CBFA2T3: variants seen among roughly 807,000 people sequenced by gnomAD.
The protein encoded by CBFA2T3 is CBFA2/RUNX1 partner transcriptional co-repressor 3, also known as transcriptional corepressor CBFA2T3.
Under a neutral mutation model 58.6 loss-of-function variants are expected in CBFA2T3, and 31 were observed. The ratio of observed to expected loss-of-function variants is 0.53; its 90% CI spans 0.40 to 0.71. The LOEUF is 0.71. CBFA2T3 is among the 30% of genes least tolerant of loss of function. The pLI, the probability that CBFA2T3 is intolerant of heterozygous loss-of-function variation, is 0.00. For missense variants in CBFA2T3, 1,076 were observed against 963.1 expected, an observed-to-expected ratio of 1.12 and a Z score of -1.55; for synonymous variants, 531 against 421.9, an observed-to-expected ratio of 1.26 and a Z score of -3.17.
At chr16:88,901,943 T>C (rs1361148014) in intron 1 of CBFA2T3, among the ~76,000 whole-genome samples, 1 of 152,168 alleles carries the variant, frequency 6.6e-6, no homozygotes, top group African/African-American at 2.4e-5. Flanking sequence ...ACTCCAGGCT[T>C]GAGGCTTCTA....
chr16:88,879,203 G>A, intron 11 of CBFA2T3, 67 bp downstream of exon 11: 1 of 1,366,022 alleles, frequency 7.3e-7, no homozygotes, highest in Admixed American at 1.9e-5. Context: ...AATCCTCATG[G>A]GGGTGGCGTG....
At chr16:88,881,223 C>T in intron 9 of CBFA2T3, 68 bp downstream of exon 9, 1 of 1,384,000 alleles carries the variant, frequency 7.2e-7, no homozygotes, top group Middle Eastern at 1.8e-4. Context: ...GCCTGCCTGA[C>T]AGCTCCCAGG....
chr16:88,899,308 G>T (rs1970010769), intron 2 of CBFA2T3, among the ~76,000 whole-genome samples: 1 of 151,926 alleles, frequency 6.6e-6, no homozygotes, highest in Admixed American at 6.5e-5. Flanking sequence ...CCAACCACCT[G>T]GCTTTCACGG....
chr16:88,880,264 T>C (rs1421423735), intron 10 of CBFA2T3, among the ~76,000 whole-genome samples: 3 of 152,036 alleles, frequency 2.0e-5, no homozygotes, highest in Non-Finnish European at 4.4e-5. Flanking sequence ...CTAACCCCTC[T>C]TGCTGCCCAC....
At chr16:88,950,566 G>T (rs1426152301) in intron 1 of CBFA2T3, 1 of 430,314 alleles carries the variant, frequency 2.3e-6, no homozygotes, top group South Asian at 1.6e-5. Context: ...GCCACAGAGG[G>T]TCAGGAGTGT....
intron 1 of CBFA2T3, among the ~76,000 whole-genome samples, chr16:88,954,394 A>C (rs1972157872): frequency 7.5e-6 from 1 of 133,534 alleles, no homozygotes; most frequent in Non-Finnish European, 1.6e-5. Context: ...AAGACTCCTG[A>C]CCCTACCCAA....
intron 1 of CBFA2T3, among the ~76,000 whole-genome samples, chr16:88,959,258 G>A (rs1037146644): frequency 6.6e-6 from 1 of 152,240 alleles, no homozygotes; most frequent in Non-Finnish European, 1.5e-5. Context: ...CACATGAGCA[G>A]CTGCTGTGGC....
chr16:88,954,738 C>T (rs1352112199), intron 1 of CBFA2T3, among the ~76,000 whole-genome samples: 2 of 43,384 alleles, frequency 4.6e-5, no homozygotes, highest in African/African-American at 1.2e-4. Flanking sequence ...GGCTCCTGAC[C>T]CCACCCAAGG....
intron 1 of CBFA2T3, among the ~76,000 whole-genome samples, chr16:88,902,205 G>C (rs913428126): frequency 2.0e-5 from 3 of 152,146 alleles, no homozygotes; most frequent in African/African-American, 7.2e-5. Flanking sequence ...GCTGGGGGGC[G>C]GGGGACGGTG....
At chr16:88,894,794 G>C (rs1319052244) in intron 3 of CBFA2T3, among the ~76,000 whole-genome samples, 1 of 152,272 alleles carries the variant, frequency 6.6e-6, no homozygotes, top group Non-Finnish European at 1.5e-5. Context: ...CCCCAGCCGT[G>C]TGTTCGCACC....
At chr16:88,948,332 A>C (rs1971959514) in intron 1 of CBFA2T3, among the ~76,000 whole-genome samples, 1 of 152,372 alleles carries the variant, frequency 6.6e-6, no homozygotes, top group South Asian at 2.1e-4. Flanking sequence ...GGGGCAAGGC[A>C]CCAGGCTGGC....
At chr16:88,892,646 C>G (rs948595554) in intron 3 of CBFA2T3, among the ~76,000 whole-genome samples, 161 bp from the exon 4 acceptor site, 1 of 152,274 alleles carries the variant, frequency 6.6e-6, no homozygotes, top group South Asian at 2.1e-4. Context: ...ACAGCAGGAG[C>G]CCTGGGCCCG....
rs143862946 is a variant in CBFA2T3, at chr16:88,892,443, G to A, written c.422C>T (p.Ala141Val). Residue 141 changes from alanine (A) to valine (V), a missense_variant, in exon 4 of 12, where the codon GCA (alanine) becomes GTA (valine). Physicochemically the swap from Ala to Val is moderately conservative, Grantham distance 64 (BLOSUM62 0). Coordinates refer to ENST00000268679, the MANE Select transcript of CBFA2T3 (RefSeq NM_005187.6). ...SSHSPTAINGAPCTPNGFSNG... is the reference protein window; with the variant it reads ...SSHSPTAINGVPCTPNGFSNG... ...GCTGAAGCCGTTGGGTGTGCACGGT[G>A]CACCATTGATGGCTGTTGGTGAGTG... is the stretch of plus-strand genomic sequence containing the variant. 3.7e-4 allele frequency: 590 copies of A among 1,613,138 alleles called. No homozygotes were observed. Among genetic ancestry groups the A allele is most frequent in the Admixed American group, 6.0e-4 (36 of 60,014 alleles).
chr16:88,936,614 G>A (rs901502260), intron 1 of CBFA2T3, among the ~76,000 whole-genome samples: 13 of 152,378 alleles, frequency 8.5e-5, no homozygotes, highest in African/African-American at 2.9e-4. Flanking sequence ...GGCGGGAAAC[G>A]CAGAGGCAGG....
At position 88,930,337 on chromosome 16, in the gene CBFA2T3, G is replaced by A. The variant is rs1228702339; in HGVS notation, c.152-28681C>T. ...CACGCAAAAGCTACCAATACCCACA[G>A]CTGCATCGTCCACGCAAAAGCTACC... On this transcript the variant is annotated intron_variant, in intron 1 of 11. Transcript: ENST00000268679. 2.7e-4 allele frequency among the ~76,000 whole-genome samples: 40 copies of A among 148,956 alleles called. 2 individuals carry two copies. The highest frequency in any genetic ancestry group is 1.0e-3 in the African/African-American group (40 of 38,992).
intron 1 of CBFA2T3, chr16:88,937,243 C>G (rs562051915): frequency 6.6e-6 from 1 of 152,252 alleles, no homozygotes; most frequent in Admixed American, 6.5e-5. Flanking sequence ...CGTTCACTGA[C>G]GCAGGCTTTC....
At chr16:88,880,342 C>T (rs545001103) in intron 10 of CBFA2T3, among the ~76,000 whole-genome samples, 1 of 152,318 alleles carries the variant, frequency 6.6e-6, no homozygotes, top group East Asian at 1.9e-4. Flanking sequence ...GTCCCCACAG[C>T]CTTGCCCAGC....
In CBFA2T3 at chr16:88,901,587, C is replaced by G. The variant is rs150762076; in HGVS notation, c.221G>C (p.Arg74Pro). Residue 74 changes from arginine to proline, a missense_variant, in exon 2 of 12, where the codon CGG (arginine) becomes CCG (proline). By Grantham distance (103) the Arg-to-Pro change is moderately radical. Coordinates refer to ENST00000268679, the MANE Select transcript of CBFA2T3 (RefSeq NM_005187.6). The part of the protein sequence containing the change: ...DSPAEVKTQP[R>P]STPPSMPPPP... ...GGGCGGCATGCTGGGGGGTGTGGAC[C>G]GGGGCTGCGTCTTCACCTCCGCTGG... 1.3e-6 allele frequency: 2 copies of G among 1,512,962 alleles called. No homozygotes were observed. The highest frequency in any genetic ancestry group is 1.7e-6 in the Non-Finnish European group (2 of 1,143,318). 93.7% of individuals were successfully genotyped at this position (1,512,962 alleles called of 1,614,324 possible).
chr16:88,943,355 G>A (rs1361121943), intron 1 of CBFA2T3, among the ~76,000 whole-genome samples: 2 of 152,228 alleles, frequency 1.3e-5, no homozygotes. Context: ...CGGGTGTTAA[G>A]TGACCAGTTG....
Sources: allele counts gnomAD v4.1 joint callset (sites outside exome capture counted in the v4.1 genomes callset), GRCh38; gene constraint gnomAD v4.1.1; transcripts MANE v1.5; gene names NCBI Gene and HGNC (gene_info 2026-07-23, HGNC 2026-07-21).